PRICKLE1: variants seen among roughly 807,000 people sequenced by gnomAD.
PRICKLE1 encodes prickle-like protein 1.
PRICKLE1 carries 14 observed loss-of-function variants against 70.2 expected under a neutral mutation model. The observed-to-expected ratio is 0.20, with a 90% CI of 0.13 to 0.31. The LOEUF (loss-of-function observed/expected upper bound fraction) is 0.31, where lower values mean the gene tolerates loss of function less well. PRICKLE1 is among the 10% of genes least tolerant of loss of function. The probability of loss-of-function intolerance (pLI) is 1.00; values close to 1 mark genes in which losing one functional copy is unlikely to be tolerated. For missense variants in PRICKLE1, 821 were observed against 1,026.2 expected (o/e 0.80, Z 2.73); for synonymous variants, 357 against 379.9 (o/e 0.94, Z 0.70).
chr12:42,471,860 T>C (rs941520263), intron 2 of PRICKLE1, among the ~76,000 whole-genome samples: 10 of 152,250 alleles, frequency 6.6e-5, no homozygotes, highest in Middle Eastern at 3.2e-3. Flanking sequence ...TAATTTTTTT[T>C]CCAATCCCTG....
At position 42,562,440 on chromosome 12, in the gene PRICKLE1, C is replaced by T. The variant is rs1049632107; in HGVS notation, c.-49+27025G>A. Among the ~76,000 whole-genome samples the T allele has an allele frequency of 2.0e-5, 3 of 151,848 alleles. No individual in the cohort carries two copies. In the East Asian group the frequency reaches 5.8e-4, roughly 29 times the overall value. On this transcript the variant is annotated intron_variant, in intron 1 of 7. Transcript: ENST00000345127. Reference sequence around the variant, plus strand: ...AAAATATATTATTTACATATTAGAACTAAAGGAAGGTAAGAAAAGTTGCAG... The same window carrying T: ...AAAATATATTATTTACATATTAGAATTAAAGGAAGGTAAGAAAAGTTGCAG...
chr12:42,517,803 TA>T (rs35670925), intron 1 of PRICKLE1, among the ~76,000 whole-genome samples: 12,098 of 152,160 alleles, frequency 0.08, 534 homozygotes, highest in Non-Finnish European at 0.11. Flanking sequence ...TGTCTTTAAA[TA>T]ATTAACTGGG....
chr12:42,549,716 C>T (rs1166675619), intron 1 of PRICKLE1, among the ~76,000 whole-genome samples: 1 of 152,194 alleles, frequency 6.6e-6, no homozygotes, highest in Non-Finnish European at 1.5e-5. Context: ...CCATACACCA[C>T]ACTGCTGCCA....
chr12:42,475,786 C>G (rs1938499158), intron 1 of PRICKLE1, among the ~76,000 whole-genome samples: 2 of 151,614 alleles, frequency 1.3e-5, no homozygotes, highest in Admixed American at 1.3e-4. Flanking sequence ...CAGAGCTCAT[C>G]AAAACACAAA....
At chr12:42,568,543 G>C (rs1940658531) in intron 1 of PRICKLE1, among the ~76,000 whole-genome samples, 1 of 152,134 alleles carries the variant, frequency 6.6e-6, no homozygotes, top group Non-Finnish European at 1.5e-5. Flanking sequence ...AAGCACATAG[G>C]GTAAGGTGGC....
chr12:42,462,437 G>T (rs1203882084), intron 7 of PRICKLE1, among the ~76,000 whole-genome samples: 1 of 152,028 alleles, frequency 6.6e-6, no homozygotes, highest in Non-Finnish European at 1.5e-5. Context: ...CTGACTTCAG[G>T]TGATCCACCT....
chr12:42,502,932 G>C (rs923336019), intron 1 of PRICKLE1, among the ~76,000 whole-genome samples: 4 of 152,158 alleles, frequency 2.6e-5, no homozygotes, highest in Admixed American at 6.5e-5. Flanking sequence ...CAGTTAAGCT[G>C]AAATTAAAGA....
chr12:42,545,952 T>TA (rs34302433), intron 1 of PRICKLE1, among the ~76,000 whole-genome samples: 8 of 150,714 alleles, frequency 5.3e-5, no homozygotes, highest in Non-Finnish European at 8.9e-5. Context: ...AATGACTTAG[T>TA]AAAAAAAAAT....
At position 42,464,361 on chromosome 12, in the gene PRICKLE1, T is replaced by G. The variant is rs749191340; in HGVS notation, c.1639+34A>C. 123 of 1,613,884 alleles carry G rather than the reference T, an allele frequency of 7.6e-5. 1 individual carries two copies. In the East Asian group the frequency reaches 2.7e-3, roughly 35 times the overall value. ...TGAATACACTTTTTAGTAGCTCCTTTTTTCAAATACCCCATAATCCCTAGA... is the reference window on the plus strand; with the variant it reads ...TGAATACACTTTTTAGTAGCTCCTTGTTTCAAATACCCCATAATCCCTAGA... On this transcript the variant is annotated intron_variant, in intron 7 of 7. Coordinates refer to ENST00000345127, the MANE Select transcript of PRICKLE1 (RefSeq NM_153026.3). This position sits in a 1 kb window ranked among gnomAD's most constrained non-coding sequence, Gnocchi z 4.2.
chr12:42,555,942 C>A (rs1940406554), intron 1 of PRICKLE1, among the ~76,000 whole-genome samples: 1 of 152,120 alleles, frequency 6.6e-6, no homozygotes. Flanking sequence ...TATTTAATCA[C>A]CAAATTTGAT....
intron 1 of PRICKLE1, among the ~76,000 whole-genome samples, chr12:42,516,353 C>T (rs371406677): frequency 3.3e-5 from 5 of 152,106 alleles, no homozygotes; most frequent in South Asian, 2.1e-4. Context: ...AGGATGGTCT[C>T]GATCTCCTGA....
chr12:42,492,016 C>T (rs1939115064), intron 1 of PRICKLE1, among the ~76,000 whole-genome samples: 1 of 151,816 alleles, frequency 6.6e-6, no homozygotes, highest in Non-Finnish European at 1.5e-5. Context: ...AAACTCCTGA[C>T]CTAATGACCT....
chr12:42,582,634 G>A lies in PRICKLE1; in HGVS notation c.-49+6831C>T, dbSNP rs117417694. ...CTAAGCAGTCTTCTTGTGTACAATC[G>A]AACATCCTCTAAATGATTTGAAAGA... On this transcript the variant is annotated intron_variant, in intron 1 of 7. Transcript: ENST00000345127. Among the ~76,000 whole-genome samples the A allele has an allele frequency of 6.6e-4, 100 of 152,152 alleles. 2 individuals are homozygous for A. The East Asian group carries it at 0.018, about 27-fold the overall frequency.
intron 1 of PRICKLE1, among the ~76,000 whole-genome samples, chr12:42,476,824 G>GT (rs201415185): frequency 0.013 from 2,001 of 150,668 alleles, 53 homozygotes; most frequent in African/African-American, 0.045. Context: ...TTTTGTTTTT[G>GT]TTTTTTGTAG....
intron 1 of PRICKLE1, among the ~76,000 whole-genome samples, chr12:42,553,435 C>CT (rs1566124087): frequency 1.1e-5 from 1 of 88,160 alleles, no homozygotes; most frequent in Non-Finnish European, 2.2e-5. Context: ...CAGAGCGAGA[C>CT]TCCGTCTCAA....
Position 42,470,286 on chromosome 12 carries a change from A to G in PRICKLE1, c.206T>C (p.Ile69Thr), listed in dbSNP as rs141795695. 48 of 1,613,950 alleles carry G rather than the reference A, an allele frequency of 3.0e-5. No individual in the cohort carries two copies. The highest frequency in any genetic ancestry group is 5.5e-5 in the South Asian group (5 of 91,082). ...TGGTAACTGGTACAAAAGCTGTTTA[A>G]TCCGATGCTTCTCTCCGGGGCTGTT... is the stretch of plus-strand genomic sequence containing the variant. Reference protein sequence around the residue: ...YVNSPGEKHRIKQLLYQLPPH... With the variant: ...YVNSPGEKHRTKQLLYQLPPH... Residue 69 changes from isoleucine to threonine, a missense_variant, in exon 3 of 8, where the codon ATT becomes ACT. Physicochemically the swap from Ile to Thr is moderately conservative, Grantham distance 89. Transcript: ENST00000345127.
intron 1 of PRICKLE1, among the ~76,000 whole-genome samples, chr12:42,516,026 T>G (rs905026718): frequency 7.2e-5 from 11 of 152,222 alleles, no homozygotes; most frequent in African/African-American, 2.7e-4. Flanking sequence ...ACTTCAAATT[T>G]TCTCATCTTT....
chr12:42,554,300 T>A (rs955953588), intron 1 of PRICKLE1, among the ~76,000 whole-genome samples: 4 of 152,250 alleles, frequency 2.6e-5, no homozygotes, highest in Non-Finnish European at 5.9e-5. Context: ...TTACATAGTG[T>A]TCCTCATTCT....
intron 1 of PRICKLE1, among the ~76,000 whole-genome samples, chr12:42,500,334 C>A (rs1375846467): frequency 6.6e-6 from 1 of 152,132 alleles, no homozygotes; most frequent in Non-Finnish European, 1.5e-5. Flanking sequence ...ACAAAACTAG[C>A]CTGTATTTGA....
Sources: gnomAD v4.1 joint callset for allele counts (sites outside exome capture counted in the v4.1 genomes callset) on GRCh38, gnomAD v4.1.1 for gene constraint, Gnocchi (gnomAD v3.1) non-coding constraint, MANE v1.5 for transcripts, NCBI Gene and HGNC (gene_info 2026-07-23, HGNC 2026-07-21) for gene names.